MCC: variants seen among roughly 807,000 people sequenced by gnomAD.
MCC encodes MCC regulator of Wnt signaling pathway.
A neutral mutation model predicts 116.2 loss-of-function variants in MCC; 90 were observed. That is an observed-to-expected ratio of 0.77 (90% CI 0.65 to 0.92). The LOEUF (loss-of-function observed/expected upper bound fraction) is 0.92, where lower values mean the gene tolerates loss of function less well. Among genes scored for constraint, MCC ranks in the 40% least tolerant of loss-of-function variants. The pLI is 0.00. For missense variants in MCC, 1,516 were observed against 1,312.2 expected (o/e 1.16, Z -2.40); for synonymous variants, 578 against 510.5 (o/e 1.13, Z -1.78).
intron 3 of MCC, among the ~76,000 whole-genome samples, chr5:113,247,064 A>C (rs1029969041): frequency 3.9e-5 from 6 of 152,218 alleles, no homozygotes; most frequent in African/African-American, 1.4e-4. Context: ...CAAATGGTTT[A>C]TGACAAAGGA....
intron 1 of MCC, among the ~76,000 whole-genome samples, chr5:113,392,717 G>T (rs1383610409): frequency 1.3e-5 from 2 of 152,026 alleles, no homozygotes; most frequent in African/African-American, 2.4e-5. Context: ...GTATGCCAGG[G>T]CTTGAGCTAC....
chr5:113,384,910 G>A (rs1354943964), intron 2 of MCC, 58 bp downstream of exon 2: 6 of 1,595,056 alleles, frequency 3.8e-6, no homozygotes, highest in Admixed American at 1.7e-5. Flanking sequence ...CTCATTTAAT[G>A]AGAGATCACA....
rs894840479 is a variant in MCC, at chr5:113,327,217, T to C, written c.627+13302A>G. 6.6e-5 allele frequency among the ~76,000 whole-genome samples: 10 copies of C among 152,044 alleles called. No individual in the cohort carries two copies. In the South Asian group the frequency reaches 8.3e-4, roughly 13 times the overall value. ...CTCCTAAGCTGTTTGCTTGAAAAGATAGGTATGTGTGTGTTGGGGGGTGGG... is the reference window on the plus strand; with the variant it reads ...CTCCTAAGCTGTTTGCTTGAAAAGACAGGTATGTGTGTGTTGGGGGGTGGG... On this transcript the variant is annotated intron_variant, in intron 3 of 18. Coordinates refer to ENST00000408903, the MANE Select transcript of MCC (RefSeq NM_001085377.2).
At chr5:113,263,545 GA>G (rs1180823918) in intron 3 of MCC, among the ~76,000 whole-genome samples, 2 of 152,092 alleles carry the variant, frequency 1.3e-5, no homozygotes, top group African/African-American at 2.4e-5. Flanking sequence ...CTCTCCTACT[GA>G]AATGTACACA....
rs1487507427 is a variant in MCC at position 113,196,685 on chromosome 5, T to TA, written c.628-45264dup. ...TAACACGGTGAAACCCCATCTCTAT[T>TA]AAAAATACAAAAAATTAGCCGAGCG... On this transcript the variant is annotated intron_variant, in intron 3 of 18. Coordinates refer to ENST00000408903, the MANE Select transcript of MCC (RefSeq NM_001085377.2). 7.5e-3 allele frequency among the ~76,000 whole-genome samples: 1,139 copies of TA among 152,120 alleles called. 18 individuals are homozygous for TA. Among genetic ancestry groups the TA allele is most frequent in the African/African-American group, 0.024 (1,002 of 41,478 alleles).
rs75859990 is a variant in MCC, at chr5:113,065,103, A to C, written c.2030-936T>G. ...TGGGGCAGTGAAGCTACTCTGTATG[A>C]TACTGTAACCGTGGACTCAAGTTGT... On this transcript the variant is annotated intron_variant, in intron 13 of 18. Transcript: ENST00000408903. Among the ~76,000 whole-genome samples the C allele has an allele frequency of 4.8e-3, 730 of 152,296 alleles. 13 individuals are homozygous for C. The highest frequency in any genetic ancestry group is 0.017 in the African/African-American group (703 of 41,548).
intron 14 of MCC, among the ~76,000 whole-genome samples, chr5:113,059,382 G>C (rs2150226719): frequency 6.6e-6 from 1 of 152,308 alleles, no homozygotes; most frequent in South Asian, 2.1e-4. Context: ...AATGGTAGGG[G>C]AGGGGAAGCC....
intron 3 of MCC, among the ~76,000 whole-genome samples, chr5:113,270,320 C>T (rs1460777564): frequency 1.3e-5 from 2 of 152,090 alleles, no homozygotes; most frequent in Non-Finnish European, 2.9e-5. Context: ...GCTATATTCA[C>T]TAAAGCGTGC....
chr5:113,336,475 A>C (rs1451192887), intron 3 of MCC, among the ~76,000 whole-genome samples: 2 of 151,618 alleles, frequency 1.3e-5, no homozygotes, highest in Non-Finnish European at 1.5e-5. Flanking sequence ...CGCAGCATCA[A>C]GGTTGGACAT....
intron 14 of MCC, among the ~76,000 whole-genome samples, chr5:113,057,984 T>A (rs747990324): frequency 5.1e-4 from 78 of 152,294 alleles, no homozygotes; most frequent in Non-Finnish European, 7.8e-4. Flanking sequence ...AGGAATGAAA[T>A]CCTTCCTTGT....
intron 3 of MCC, among the ~76,000 whole-genome samples, chr5:113,337,821 C>T (rs1767906434): frequency 6.6e-6 from 1 of 152,032 alleles, no homozygotes; most frequent in African/African-American, 2.4e-5. Flanking sequence ...AAGGGATTGC[C>T]CAAATGTGCA....
intron 3 of MCC, among the ~76,000 whole-genome samples, chr5:113,170,550 C>T (rs1167997304): frequency 1.3e-5 from 2 of 151,938 alleles, no homozygotes; most frequent in Non-Finnish European, 2.9e-5. Flanking sequence ...ATTTACTCTA[C>T]CCACTTCCTA....
At chr5:113,084,928 C>T (rs1755100450) in intron 9 of MCC, among the ~76,000 whole-genome samples, 1 of 152,220 alleles carries the variant, frequency 6.6e-6, no homozygotes, top group African/African-American at 2.4e-5. Context: ...CTGTGACATT[C>T]TCCAGCTGGC....
At chr5:113,474,875 G>A (rs1772196210) in intron 1 of MCC, among the ~76,000 whole-genome samples, 1 of 152,170 alleles carries the variant, frequency 6.6e-6, no homozygotes, top group African/African-American at 2.4e-5. Flanking sequence ...AGTAAAGTCA[G>A]CTTAAGACTA....
intron 1 of MCC, among the ~76,000 whole-genome samples, chr5:113,444,870 T>C (rs769320059): frequency 2.0e-4 from 30 of 152,252 alleles, no homozygotes; most frequent in Non-Finnish European, 3.7e-4. Context: ...GCTTTACCAC[T>C]GTTCCATATC....
chr5:113,248,342 A>C (rs1764653764), intron 3 of MCC, among the ~76,000 whole-genome samples: 2 of 152,192 alleles, frequency 1.3e-5, no homozygotes. Context: ...AACAGAACAC[A>C]GAAAAACACA....
chr5:113,141,201 G>A (rs773962786), intron 5 of MCC, among the ~76,000 whole-genome samples: 20 of 152,196 alleles, frequency 1.3e-4, no homozygotes, highest in Non-Finnish European at 2.4e-4. Flanking sequence ...AGAACTCCTG[G>A]CTCCGTAGCC....
rs760943989 is a variant in MCC at position 113,434,557 on chromosome 5, G to C, written c.171-49345C>G. 6.2e-7 allele frequency: 1 copy of C among 1,613,476 alleles called. No homozygotes were observed. The highest frequency in any genetic ancestry group is 8.5e-7 in the Non-Finnish European group (1 of 1,179,614). Reference sequence around the variant, plus strand: ...TTGATTAACTCGAGGAGGTCGCCCTGGACCGCGAGCTCCATGACGATGTAG... The same window carrying C: ...TTGATTAACTCGAGGAGGTCGCCCTCGACCGCGAGCTCCATGACGATGTAG... On this transcript the variant is annotated intron_variant, in intron 1 of 18. Coordinates refer to ENST00000408903, the MANE Select transcript of MCC (RefSeq NM_001085377.2). This position sits in a 1 kb window ranked among gnomAD's most constrained non-coding sequence, Gnocchi z 4.2.
rs145985859 is a variant in MCC at position 113,472,251 on chromosome 5, C to T, written c.170+15994G>A. Among the ~76,000 whole-genome samples the T allele has an allele frequency of 1.5e-3, 227 of 152,316 alleles. 3 individuals are homozygous for T. In the East Asian group the frequency reaches 0.035, roughly 24 times the overall value. On this transcript the variant is annotated intron_variant, in intron 1 of 18. Coordinates refer to ENST00000408903, the MANE Select transcript of MCC (RefSeq NM_001085377.2). Reference sequence around the variant, plus strand: ...TGCAGAAATCACCCGTCTTCTGTGTCGCTCACGCTGGGAGCTGTAGACCGG... The same window carrying T: ...TGCAGAAATCACCCGTCTTCTGTGTTGCTCACGCTGGGAGCTGTAGACCGG...
Sources: gnomAD v4.1 joint callset for allele counts (sites outside exome capture counted in the v4.1 genomes callset) on GRCh38, gnomAD v4.1.1 for gene constraint, Gnocchi (gnomAD v3.1) non-coding constraint, MANE v1.5 for transcripts, NCBI Gene and HGNC (gene_info 2026-07-23, HGNC 2026-07-21) for gene names.